Variants in KLF16 observed in about 807,000 individuals in gnomAD.
The protein encoded by KLF16 is Krueppel-like factor 16.
KLF16 carries 6 observed loss-of-function variants against 6.1 expected under a neutral mutation model. That is an observed-to-expected ratio of 0.98 (90% confidence interval 0.54 to 1.93). The LOEUF (loss-of-function observed/expected upper bound fraction) is 1.93, where lower values mean the gene tolerates loss of function less well. Among genes scored for constraint, KLF16 ranks in the 30% most tolerant of loss-of-function variants. The pLI, the probability that KLF16 is intolerant of heterozygous loss-of-function variation, is 0.01. For synonymous variants in KLF16, 211 were observed against 176.5 expected, an observed-to-expected ratio of 1.20 and a Z score of -1.55; for missense variants, 355 against 363.8, an observed-to-expected ratio of 0.98 and a Z score of 0.20.
In KLF16 at chr19:1,854,019, A is replaced by AC. The variant is rs2011892304; in HGVS notation, c.*439dup. 1 of 160,520 alleles carries AC rather than the reference A, an allele frequency of 6.2e-6. No homozygotes were observed. The highest frequency in any genetic ancestry group is 2.4e-5 in the African/African-American group (1 of 41,520). The allele number at this position is 160,520 out of a possible 1,614,324, so 9.9% of individuals were successfully genotyped here. A position where few individuals can be genotyped will look rare whatever the true frequency, so the allele number is the denominator to read the frequency against. ...GTGGGGAGAGGCAGGGGCCGTGTCA[A>AC]CCCCCGACTCCTCTATGGCTGTCTG... On this transcript the variant is annotated 3_prime_UTR_variant, in exon 2 of 2. Transcript: ENST00000250916.
Position 1,863,363 on chromosome 19 carries a change from C to T in KLF16, c.135G>A (p.Ala45=), listed in dbSNP as rs1175578553. Residue 45 remains alanine, a synonymous_variant, in exon 1 of 2, where the codon GCG becomes GCA. Coordinates refer to ENST00000250916, the MANE Select transcript of KLF16 (RefSeq NM_031918.4). ...AGPAAGLDVR[A]ARREAASPGT... is the part of the protein sequence containing the mutation. ...CGGGTGAGGCGGCCTCGCGGCGCGC[C>T]GCGCGCACATCCAGGCCGGCGGCGG... The T allele has an allele frequency of 1.0e-6, 1 of 979,944 alleles. No individual in the cohort carries two copies. The highest frequency in any genetic ancestry group is 1.2e-6 in the Non-Finnish European group (1 of 828,150). 60.7% of individuals were successfully genotyped at this position (979,944 alleles called of 1,614,324 possible).
chr19:1,872,737 G>C, the KLF16 span, among the ~76,000 whole-genome samples: 3 of 152,004 alleles, frequency 2.0e-5, no homozygotes, highest in South Asian at 4.2e-4. Context: ...GAGGGAGCGC[G>C]GGCCTGGCCG....
the KLF16 span, among the ~76,000 whole-genome samples, chr19:1,872,275 C>T: frequency 2.0e-5 from 3 of 152,290 alleles, no homozygotes; most frequent in South Asian, 2.1e-4. Flanking sequence ...GGACTACAGG[C>T]GCCCGCCACC....
At chr19:1,866,845 C>T (rs1249745730), upstream of KLF16, among the ~76,000 whole-genome samples, 2 of 151,540 alleles carry the variant, frequency 1.3e-5, no homozygotes, top group Non-Finnish European at 1.5e-5. Context: ...TGGGAGAGGA[C>T]CGAGAACAGC....
At chr19:1,874,773 A>AC in the KLF16 span, 2 of 143,206 alleles carry the variant, frequency 1.4e-5, no homozygotes, top group Non-Finnish European at 3.0e-5. Flanking sequence ...AAAAAAAAAA[A>AC]AAAACACTTC....
rs1461739224 is a variant in KLF16, at chr19:1,852,867, A to C, written c.*1592T>G. On this transcript the variant is annotated 3_prime_UTR_variant, in exon 2 of 2. Coordinates refer to ENST00000250916, the MANE Select transcript of KLF16 (RefSeq NM_031918.4). ...GGGCGTCCCCTGCCTCCCTCCCCCCAGGATCCCAGGCACCCATCCCTGGAT... is the reference window on the plus strand; with the variant it reads ...GGGCGTCCCCTGCCTCCCTCCCCCCCGGATCCCAGGCACCCATCCCTGGAT... 1.3e-5 allele frequency: 2 copies of C among 152,122 alleles called. No individual in the cohort carries two copies. Among genetic ancestry groups the C allele is most frequent in the Non-Finnish European group, 1.5e-5 (1 of 68,082 alleles). The allele number at this position is 152,122 out of a possible 1,614,324, so 9.4% of individuals were successfully genotyped here.
Position 1,863,340 on chromosome 19 carries a change from G to C in KLF16, c.158C>G (p.Pro53Arg). 1.0e-6 allele frequency: 1 copy of C among 981,272 alleles called. No individual in the cohort carries two copies. Among genetic ancestry groups the C allele is most frequent in the Non-Finnish European group, 1.2e-6 (1 of 828,784 alleles). The allele number at this position is 981,272 out of a possible 1,614,324, so 60.8% of individuals were successfully genotyped here. A position where few individuals can be genotyped will look rare whatever the true frequency, so the allele number is the denominator to read the frequency against. Reference protein sequence around the residue: ...VRAARREAASPGTPGPPPPPP... With the variant: ...VRAARREAASRGTPGPPPPPP... The stretch of plus-strand genomic sequence containing the variant: ...CGGCGGGGGTGGCCCCGGGGTCCCG[G>C]GTGAGGCGGCCTCGCGGCGCGCCGC... Residue 53 changes from proline to arginine, a missense_variant, in exon 1 of 2, where the codon CCC becomes CGC. Pro to Arg is a moderately radical substitution (Grantham distance 103). Transcript: ENST00000250916.
chr19:1,866,286 G>A (rs1009745478), upstream of KLF16, among the ~76,000 whole-genome samples: 5 of 147,070 alleles, frequency 3.4e-5, no homozygotes, highest in East Asian at 2.0e-4. Flanking sequence ...CAACCTGGGC[G>A]ACAAGAGCAA....
At chr19:1,866,055 G>C (rs1049661324), upstream of KLF16, among the ~76,000 whole-genome samples, 2 of 152,306 alleles carry the variant, frequency 1.3e-5, no homozygotes, top group African/African-American at 4.8e-5. Flanking sequence ...TGTAATCCCA[G>C]CACTTTGGGA....
chr19:1,866,605 A>G (rs986864982), upstream of KLF16, among the ~76,000 whole-genome samples: 5 of 148,426 alleles, frequency 3.4e-5, no homozygotes, highest in Non-Finnish European at 7.5e-5. Context: ...CAAGAGAGAA[A>G]CTGTCTCAAA....
At chr19:1,871,872 C>G in the KLF16 span, among the ~76,000 whole-genome samples, 3 of 152,196 alleles carry the variant, frequency 2.0e-5, no homozygotes, top group East Asian at 5.8e-4. Context: ...TCAGGGACAC[C>G]AAGGCCTCCT....
chr19:1,861,071 AC>A (rs1427720503), intron 1 of KLF16, among the ~76,000 whole-genome samples: 3 of 151,756 alleles, frequency 2.0e-5, no homozygotes, highest in Admixed American at 6.6e-5. Context: ...CCGACTGGGC[AC>A]CCCCAGGCCT....
intron 1 of KLF16, among the ~76,000 whole-genome samples, chr19:1,862,220 G>A (rs372926777): frequency 1.3e-5 from 2 of 152,132 alleles, no homozygotes; most frequent in Non-Finnish European, 2.9e-5. Context: ...CCTAGGAGGG[G>A]ACGGAGTGAA....
Position 1,863,202 on chromosome 19 carries a change from G to A in KLF16, c.296C>T (p.Ser99Leu), listed in dbSNP as rs1164887918. ...GGCGGCTGAGGAGGAGGAGGCGGGC[G>A]AGGCGCCCCCCGGGGCGGCTCCGGG... ...GGPGAAPGGA[S>L]PASSSSAASS... Residue 99 changes from serine to leucine, a missense_variant, in exon 1 of 2, where the codon TCG becomes TTG. By Grantham distance (145) the Ser-to-Leu change is moderately radical. Transcript: ENST00000250916. 4 of 1,155,498 alleles carry A rather than the reference G, an allele frequency of 3.5e-6. No homozygotes were observed. The highest frequency in any genetic ancestry group is 5.0e-5 in the Admixed American group (1 of 19,982). The allele number at this position is 1,155,498 out of a possible 1,614,324, so 71.6% of individuals were successfully genotyped here.
chr19:1,872,216 C>T, the KLF16 span, among the ~76,000 whole-genome samples: 7 of 152,138 alleles, frequency 4.6e-5, no homozygotes, highest in Non-Finnish European at 8.8e-5. Context: ...CTGCAACCTC[C>T]GCCCCCTGGG....
At chr19:1,859,337 C>T (rs1218477252) in intron 1 of KLF16, among the ~76,000 whole-genome samples, 1 of 152,128 alleles carries the variant, frequency 6.6e-6, no homozygotes, top group African/African-American at 2.4e-5. Flanking sequence ...CTCCTCTGCA[C>T]ACCTCGTCCT....
intron 1 of KLF16, among the ~76,000 whole-genome samples, chr19:1,855,006 G>A (rs762488812): frequency 2.0e-5 from 3 of 152,102 alleles, no homozygotes; most frequent in Admixed American, 6.5e-5. Context: ...AGGACTCTCC[G>A]GCGAGCCCAG....
chr19:1,872,268 C>G, the KLF16 span, among the ~76,000 whole-genome samples: 1 of 152,136 alleles, frequency 6.6e-6, no homozygotes, highest in African/African-American at 2.4e-5. Flanking sequence ...GTAGCTGGGA[C>G]TACAGGCGCC....
the KLF16 span, among the ~76,000 whole-genome samples, chr19:1,873,911 G>A: frequency 6.6e-6 from 1 of 152,258 alleles, no homozygotes; most frequent in African/African-American, 2.4e-5. Context: ...GCGTCTGGGA[G>A]CCCTGCCGAA....
Sources: gnomAD v4.1 joint callset for allele counts (sites outside exome capture counted in the v4.1 genomes callset) on GRCh38, gnomAD v4.1.1 for gene constraint, MANE v1.5 for transcripts, NCBI Gene and HGNC (gene_info 2026-07-23, HGNC 2026-07-21) for gene names.